AK5: variants seen among roughly 807,000 people sequenced by gnomAD.
AK5 encodes the protein adenylate kinase isoenzyme 5.
A neutral mutation model predicts 69.5 loss-of-function variants in AK5; 27 were observed. The observed-to-expected ratio is 0.39, with a 90% CI of 0.29 to 0.54. The LOEUF is 0.54. Among genes scored for constraint, AK5 ranks in the 20% least tolerant of loss-of-function variants. The pLI, the probability that AK5 is intolerant of heterozygous loss-of-function variation, is 0.71. For synonymous variants in AK5, 260 were observed against 244.4 expected, an observed-to-expected ratio of 1.06 and a Z score of -0.60; for missense variants, 531 against 700.4, an observed-to-expected ratio of 0.76 and a Z score of 2.73.
chr1:77,346,474 G>A (rs982932169), intron 6 of AK5, among the ~76,000 whole-genome samples: 3 of 152,140 alleles, frequency 2.0e-5, no homozygotes, highest in African/African-American at 7.2e-5. Flanking sequence ...GGTGGAAATG[G>A]AAAGAAAAAT....
chr1:77,490,814 A>G (rs981468146), intron 10 of AK5, among the ~76,000 whole-genome samples: 1 of 121,586 alleles, frequency 8.2e-6, no homozygotes, highest in African/African-American at 3.2e-5. Context: ...CTTGATCATT[A>G]TTTTGCTATG....
chr1:77,365,966 C>T (rs761683132), intron 6 of AK5, among the ~76,000 whole-genome samples: 2 of 152,128 alleles, frequency 1.3e-5, no homozygotes, highest in East Asian at 1.9e-4. Flanking sequence ...ACTGCTTGGG[C>T]AATGGGTGCA....
At chr1:77,472,480 G>T (rs7542588) in intron 8 of AK5, among the ~76,000 whole-genome samples, 67,690 of 151,888 alleles carry the variant, frequency 0.45, 15,432 homozygotes, top group Middle Eastern at 0.6. Context: ...TCTTGGCCCT[G>T]ATTTGGTCAC....
intron 10 of AK5, among the ~76,000 whole-genome samples, chr1:77,508,242 CAT>C (rs894352035): frequency 1.2e-4 from 18 of 152,282 alleles, no homozygotes; most frequent in South Asian, 4.1e-4. Context: ...TCCATCAGTA[CAT>C]CTCTTTTTCC....
intron 8 of AK5, among the ~76,000 whole-genome samples, chr1:77,468,173 C>T (rs1654259182): frequency 6.6e-6 from 1 of 152,212 alleles, no homozygotes; most frequent in Non-Finnish European, 1.5e-5. Context: ...TGACTGATAC[C>T]ATTGAAGCAG....
chr1:77,337,961 T>TTTTC lies in AK5; in HGVS notation c.700-2413_700-2412insCTTT, dbSNP rs1557507767. ...ACGAGACATCTGAACAATGTTTTCT[T>TTTTC]TTTATTTTTTTTTTTTTTTTGAGAC... On this transcript the variant is annotated intron_variant, in intron 5 of 13. Coordinates refer to ENST00000354567, the MANE Select transcript of AK5 (RefSeq NM_174858.3). Among the ~76,000 whole-genome samples the TTTTC allele has an allele frequency of 8.2e-5, 10 of 122,356 alleles. 2 individuals carry two copies. The highest frequency in any genetic ancestry group is 7.3e-5 in the Non-Finnish European group (4 of 54,870). The allele number at this position is 122,356 out of a possible 152,430, so 80.3% of individuals were successfully genotyped here.
intron 5 of AK5, among the ~76,000 whole-genome samples, chr1:77,309,671 G>A (rs1392000461): frequency 6.6e-6 from 1 of 152,032 alleles, no homozygotes; most frequent in African/African-American, 2.4e-5. Context: ...TGGATTAGAA[G>A]TGTTTCTGTA....
At chr1:77,556,434 T>G (rs904080945) in intron 13 of AK5, among the ~76,000 whole-genome samples, 3 of 152,254 alleles carry the variant, frequency 2.0e-5, no homozygotes, top group African/African-American at 7.2e-5. Flanking sequence ...TCTCTCAAGT[T>G]TGTGAAATTA....
intron 10 of AK5, among the ~76,000 whole-genome samples, chr1:77,491,605 A>G (rs1244065595): frequency 6.6e-6 from 1 of 152,166 alleles, no homozygotes; most frequent in Non-Finnish European, 1.5e-5. Context: ...GTGCTCAGCC[A>G]TGAATTGATT....
At chr1:77,485,945 C>T (rs1285647171) in intron 9 of AK5, among the ~76,000 whole-genome samples, 2 of 151,984 alleles carry the variant, frequency 1.3e-5, no homozygotes. Context: ...GGTGAAACCC[C>T]CTCTTTAATA....
intron 6 of AK5, among the ~76,000 whole-genome samples, chr1:77,367,085 G>A (rs1387191318): frequency 6.6e-6 from 1 of 151,910 alleles, no homozygotes; most frequent in Non-Finnish European, 1.5e-5. Context: ...ATTAAAGGAG[G>A]CTCTTTATTT....
At chr1:77,549,695 G>A (rs904052403) in intron 13 of AK5, among the ~76,000 whole-genome samples, 5 of 152,086 alleles carry the variant, frequency 3.3e-5, no homozygotes, top group Admixed American at 2.0e-4. Flanking sequence ...GAGAACATTC[G>A]AAGTCTGTCT....
At chr1:77,538,631 CAG>C (rs1435161389) in intron 13 of AK5, among the ~76,000 whole-genome samples, 2 of 151,238 alleles carry the variant, frequency 1.3e-5, no homozygotes, top group Non-Finnish European at 2.9e-5. Flanking sequence ...GCCTGGGTGA[CAG>C]AGAGTCCCTG....
At chr1:77,364,563 CT>C (rs1046457667) in intron 6 of AK5, among the ~76,000 whole-genome samples, 4 of 152,116 alleles carry the variant, frequency 2.6e-5, no homozygotes, top group African/African-American at 9.7e-5. Context: ...ATCCTTTGTT[CT>C]TTTTACTTTT....
intron 13 of AK5, among the ~76,000 whole-genome samples, chr1:77,537,450 A>G (rs1659034162): frequency 6.6e-6 from 1 of 152,228 alleles, no homozygotes; most frequent in Non-Finnish European, 1.5e-5. Context: ...ATTTCAATCT[A>G]GAAAGCTCAA....
chr1:77,487,379 TA>T (rs34425821), intron 10 of AK5, among the ~76,000 whole-genome samples: 27,986 of 152,072 alleles, frequency 0.18, 2,838 homozygotes, highest in African/African-American at 0.23. Context: ...TAAAAATGCA[TA>T]AAAAAAGGAC....
At position 77,558,720 on chromosome 1, in the gene AK5, T is replaced by G; in HGVS notation, c.*50T>G. On this transcript the variant is annotated 3_prime_UTR_variant, in exon 14 of 14. Transcript: ENST00000354567. The stretch of plus-strand genomic sequence containing the variant: ...ATGGAAACAGAAAAACATTAAAAAG[T>G]TCATTCCTTAACACAATGTTTCAAG... 7.7e-7 allele frequency: 1 copy of G among 1,294,426 alleles called. No individual in the cohort carries two copies. Among genetic ancestry groups the G allele is most frequent in the Non-Finnish European group, 1.1e-6 (1 of 892,386 alleles). The allele number at this position is 1,294,426 out of a possible 1,614,324, so 80.2% of individuals were successfully genotyped here. A position where few individuals can be genotyped will look rare whatever the true frequency, so the allele number is the denominator to read the frequency against.
chr1:77,531,622 G>A (rs909491530), intron 12 of AK5, among the ~76,000 whole-genome samples: 4 of 152,264 alleles, frequency 2.6e-5, no homozygotes, highest in East Asian at 1.9e-4. Context: ...ACAGAGTGCC[G>A]ATTGGTGTAT....
At chr1:77,349,276 C>T (rs765130618) in intron 6 of AK5, among the ~76,000 whole-genome samples, 12 of 151,918 alleles carry the variant, frequency 7.9e-5, no homozygotes, top group Non-Finnish European at 1.5e-4. Context: ...TACCTCTGAA[C>T]CTAAAATAAA....
Sources: allele counts gnomAD v4.1 joint callset (sites outside exome capture counted in the v4.1 genomes callset), GRCh38; gene constraint gnomAD v4.1.1; transcripts MANE v1.5; gene names NCBI Gene and HGNC (gene_info 2026-07-23, HGNC 2026-07-21).